The following SHLD2 variants were observed in gnomAD, a reference collection of about 807,000 sequenced individuals.
The protein encoded by SHLD2 is RINN1-REV7-interacting novel NHEJ regulator 2.
Under a neutral mutation model 73.2 loss-of-function variants are expected in SHLD2, and 30 were observed. The observed-to-expected ratio is 0.41, with a 90% CI of 0.31 to 0.56. The LOEUF (loss-of-function observed/expected upper bound fraction) is 0.56. Among genes scored for constraint, SHLD2 ranks in the 20% least tolerant of loss-of-function variants. The probability of loss-of-function intolerance (pLI) is 0.28; values close to 1 mark genes in which losing one functional copy is unlikely to be tolerated. For missense variants in SHLD2, 745 were observed against 1,055.9 expected, an observed-to-expected ratio of 0.71 and a Z score of 4.08; for synonymous variants, 285 against 370.1, an observed-to-expected ratio of 0.77 and a Z score of 2.64.
At chr10:87,102,760 T>A (rs976884611) in intron 2 of SHLD2, among the ~76,000 whole-genome samples, 1 of 152,112 alleles carries the variant, frequency 6.6e-6, no homozygotes, top group Admixed American at 6.6e-5. Context: ...AGATACGGTT[T>A]CCCTATGTTG....
At chr10:87,108,817 T>C (rs530464517) in intron 2 of SHLD2, among the ~76,000 whole-genome samples, 1 of 152,224 alleles carries the variant, frequency 6.6e-6, no homozygotes, top group Non-Finnish European at 1.5e-5. Context: ...TTCCCTTTTT[T>C]TCCCTATGGT....
At chr10:87,179,986 G>T in intron 7 of SHLD2, 89 bp from the exon 8 acceptor site, 1 of 853,292 alleles carries the variant, frequency 1.2e-6, no homozygotes, top group South Asian at 1.4e-5. Context: ...ACAAGTGACT[G>T]TAAATCAACT....
At chr10:87,124,859 C>G (rs2134105566) in intron 2 of SHLD2, among the ~76,000 whole-genome samples, 1 of 151,914 alleles carries the variant, frequency 6.6e-6, no homozygotes, top group East Asian at 1.9e-4. Context: ...ATCCTCCTAC[C>G]TCAGCCTCCT....
chr10:87,171,630 A>G (rs1847599740), intron 6 of SHLD2, among the ~76,000 whole-genome samples: 1 of 152,166 alleles, frequency 6.6e-6, no homozygotes, highest in South Asian at 2.1e-4. Flanking sequence ...GTGGCTTATG[A>G]GTTATTTTTC....
At chr10:87,188,288 G>T (rs4934312) in intron 9 of SHLD2, among the ~76,000 whole-genome samples, 91 of 151,900 alleles carry the variant, frequency 6.0e-4, no homozygotes, top group Admixed American at 1.9e-3. Context: ...CCAGCAGTAG[G>T]GGACCACTAA....
At chr10:87,117,505 C>T (rs1269368409) in intron 2 of SHLD2, among the ~76,000 whole-genome samples, 4 of 151,164 alleles carry the variant, frequency 2.6e-5, no homozygotes, top group Non-Finnish European at 5.9e-5. Context: ...TTTTTAAAAA[C>T]GTTTTAGGCT....
At chr10:87,147,069 AAAG>A (rs1318456742) in intron 2 of SHLD2, among the ~76,000 whole-genome samples, 40 of 146,072 alleles carry the variant, frequency 2.7e-4, no homozygotes, top group African/African-American at 9.1e-4. Context: ...AAAAAAAAAA[AAAG>A]AAAAAAAAAA....
intron 2 of SHLD2, among the ~76,000 whole-genome samples, chr10:87,099,645 A>ATAT: frequency 6.6e-6 from 1 of 152,266 alleles, no homozygotes; most frequent in South Asian, 2.1e-4. Flanking sequence ...ATATGTTTTC[A>ATAT]GTTCTCTTGG....
chr10:87,184,813 G>T (rs1388451244), intron 8 of SHLD2, among the ~76,000 whole-genome samples: 1 of 152,154 alleles, frequency 6.6e-6, no homozygotes, highest in Non-Finnish European at 1.5e-5. Flanking sequence ...TGCTTTATCA[G>T]AGAGGCCTTT....
At chr10:87,189,650 G>A (rs940896430) in intron 9 of SHLD2, among the ~76,000 whole-genome samples, 7 of 152,190 alleles carry the variant, frequency 4.6e-5, no homozygotes, top group African/African-American at 1.4e-4. Flanking sequence ...GGGTTAGTAC[G>A]GTCTGAGCAT....
chr10:87,187,766 C>T (rs1848705570), intron 9 of SHLD2, among the ~76,000 whole-genome samples: 1 of 152,028 alleles, frequency 6.6e-6, no homozygotes, highest in Non-Finnish European at 1.5e-5. Context: ...GAATGCTGAA[C>T]ATTGCATATA....
chr10:87,168,304 G>T (rs990707566), intron 4 of SHLD2, among the ~76,000 whole-genome samples: 1 of 152,094 alleles, frequency 6.6e-6, no homozygotes, highest in Non-Finnish European at 1.5e-5. Context: ...GCCATAAAAA[G>T]GAATGAAATC....
At chr10:87,104,583 GA>G (rs1337607076) in intron 2 of SHLD2, among the ~76,000 whole-genome samples, 6 of 148,756 alleles carry the variant, frequency 4.0e-5, no homozygotes, top group Admixed American at 2.7e-4. Flanking sequence ...GCTAAATTAG[GA>G]AAAAAATAAA....
chr10:87,141,303 T>A (rs375032907), intron 2 of SHLD2, among the ~76,000 whole-genome samples: 4 of 151,776 alleles, frequency 2.6e-5, no homozygotes, highest in South Asian at 2.1e-4. Flanking sequence ...TAAACCAATG[T>A]TACAATTAGA....
chr10:87,125,139 G>A (rs1318097712), intron 2 of SHLD2, among the ~76,000 whole-genome samples: 1 of 152,166 alleles, frequency 6.6e-6, no homozygotes, highest in East Asian at 1.9e-4. Flanking sequence ...TGCCTTTGGA[G>A]TAATTTCTGA....
intron 2 of SHLD2, among the ~76,000 whole-genome samples, chr10:87,130,109 C>A (rs1258673815): frequency 6.6e-6 from 1 of 151,710 alleles, no homozygotes; most frequent in Non-Finnish European, 1.5e-5. Context: ...TAGATGCTTT[C>A]CTCAGATGAG....
chr10:87,128,193 A>G (rs1844174953), intron 2 of SHLD2, among the ~76,000 whole-genome samples: 1 of 152,168 alleles, frequency 6.6e-6, no homozygotes, highest in Non-Finnish European at 1.5e-5. Context: ...TCCTCAACTC[A>G]TAGGTATTTG....
At chr10:87,118,311 G>T (rs1251891309) in intron 2 of SHLD2, among the ~76,000 whole-genome samples, 1 of 152,144 alleles carries the variant, frequency 6.6e-6, no homozygotes, top group Non-Finnish European at 1.5e-5. Flanking sequence ...GTTGTCCACG[G>T]CATGGACCCT....
intron 4 of SHLD2, among the ~76,000 whole-genome samples, chr10:87,160,135 G>A (rs3129486): frequency 0.68 from 102,825 of 150,816 alleles, 35,836 homozygotes; most frequent in Middle Eastern, 0.9. Flanking sequence ...GGAAATCAAC[G>A]TTTGTATAAT....
Sources: gnomAD v4.1 joint callset for allele counts (sites outside exome capture counted in the v4.1 genomes callset) on GRCh38, gnomAD v4.1.1 for gene constraint, MANE v1.5 for transcripts, NCBI Gene and HGNC (gene_info 2026-07-23, HGNC 2026-07-21) for gene names.